Variants in CBFA2T3 observed in about 807,000 individuals in gnomAD.
The protein encoded by CBFA2T3 is transcriptional corepressor CBFA2T3.
A neutral mutation model predicts 58.6 loss-of-function variants in CBFA2T3; 31 were observed. That is an observed-to-expected ratio of 0.53 (90% CI 0.40 to 0.71). The LOEUF (loss-of-function observed/expected upper bound fraction) is 0.71, where lower values mean the gene tolerates loss of function less well. Among genes scored for constraint, CBFA2T3 ranks in the 30% least tolerant of loss-of-function variants. CBFA2T3 has a pLI of 0.00. For synonymous variants in CBFA2T3, 531 were observed against 421.9 expected (o/e 1.26, Z -3.17); for missense variants, 1,076 against 963.1 (o/e 1.12, Z -1.55).
intron 1 of CBFA2T3, among the ~76,000 whole-genome samples, chr16:88,919,788 G>A (rs142803482): frequency 5.3e-5 from 8 of 152,274 alleles, no homozygotes; most frequent in South Asian, 2.1e-4. Flanking sequence ...GTCGCTCCAC[G>A]TAATCCGTGG....
At chr16:88,896,999 C>T (rs116581588) in intron 3 of CBFA2T3, among the ~76,000 whole-genome samples, 2,490 of 152,364 alleles carry the variant, frequency 0.016, 19 homozygotes, top group East Asian at 0.024. Context: ...AGACCGCACA[C>T]GTGTCCCCAG....
intron 1 of CBFA2T3, chr16:88,936,677 T>G (rs1971512612): frequency 6.6e-6 from 1 of 152,380 alleles, no homozygotes; most frequent in African/African-American, 2.4e-5. Flanking sequence ...GTGCCTTGGC[T>G]CCGGGAGACA....
At chr16:88,947,271 C>T (rs1272499699) in intron 1 of CBFA2T3, among the ~76,000 whole-genome samples, 2 of 152,232 alleles carry the variant, frequency 1.3e-5, no homozygotes, top group Non-Finnish European at 2.9e-5. Flanking sequence ...AATCTATTAA[C>T]TTAAAAAATT....
At chr16:88,903,694 G>C (rs867481909) in intron 1 of CBFA2T3, among the ~76,000 whole-genome samples, 2 of 134,860 alleles carry the variant, frequency 1.5e-5, no homozygotes, top group African/African-American at 5.5e-5. Context: ...GCATTCCTGG[G>C]GGGGGCGTTC....
chr16:88,902,712 G>C (rs1223473615), intron 1 of CBFA2T3, among the ~76,000 whole-genome samples: 1 of 152,240 alleles, frequency 6.6e-6, no homozygotes, highest in African/African-American at 2.4e-5. Context: ...GGCAAGGTCA[G>C]CCAGTGCCAA....
At chr16:88,969,294 C>G (rs927435608) in intron 1 of CBFA2T3, among the ~76,000 whole-genome samples, 2 of 152,208 alleles carry the variant, frequency 1.3e-5, no homozygotes, top group East Asian at 1.9e-4. Context: ...CTTGGGAGCT[C>G]AGGAGGAAGC....
At chr16:88,932,510 A>G (rs375243728) in intron 1 of CBFA2T3, among the ~76,000 whole-genome samples, 45 of 152,100 alleles carry the variant, frequency 3.0e-4, no homozygotes, top group African/African-American at 1.1e-3. Context: ...AGCTGGGCAT[A>G]GTGGTGAACA....
rs939435010 is a variant in CBFA2T3 at position 88,901,371 on chromosome 16, C to T, written c.304+133G>A. 4.4e-5 allele frequency: 23 copies of T among 523,292 alleles called. No individual in the cohort carries two copies. In the East Asian group the frequency reaches 7.3e-4, roughly 17 times the overall value. The allele number at this position is 523,292 out of a possible 1,614,324, so 32.4% of individuals were successfully genotyped here. A position where few individuals can be genotyped will look rare whatever the true frequency, so the allele number is the denominator to read the frequency against. ...GAACCGGCCAAGCCTGGGCTCTGGG[C>T]CACACGAGCTCCTCACACTCAGGGC... is the stretch of plus-strand genomic sequence containing the variant. On this transcript the variant is annotated intron_variant, in intron 2 of 11. Coordinates refer to ENST00000268679, the MANE Select transcript of CBFA2T3 (RefSeq NM_005187.6).
chr16:88,881,453 G>T lies in CBFA2T3; in HGVS notation c.1240C>A (p.Arg414=), dbSNP rs781390631. 6.2e-7 allele frequency: 1 copy of T among 1,609,702 alleles called. No homozygotes were observed. Among genetic ancestry groups the T allele is most frequent in the Non-Finnish European group, 8.5e-7 (1 of 1,178,336 alleles). The change falls in exon 9 of 12, where the codon CGG becomes AGG. Residue 414 remains arginine, a synonymous_variant. Coordinates refer to ENST00000268679, the MANE Select transcript of CBFA2T3 (RefSeq NM_005187.6). ...CTGCGCAGCACCGTGAGCGAGCGCC[G>T]CGTCTTCTCCACCATGTCCATGATG... The part of the protein sequence containing the change: ...NCIMDMVEKT[R]RSLTVLRRCQ...
chr16:88,906,812 C>G (rs75469892), intron 1 of CBFA2T3, among the ~76,000 whole-genome samples: 6,466 of 152,300 alleles, frequency 0.042, 190 homozygotes, highest in African/African-American at 0.081. Context: ...CATGTGCCTG[C>G]AGCCCCCAGG....
Position 88,881,420 on chromosome 16 carries a change from C to G in CBFA2T3, c.1273G>C (p.Glu425Gln), listed in dbSNP as rs1474677700. The change falls in exon 9 of 12, where the codon GAG becomes CAG. Residue 425 changes from glutamate (E) to glutamine (Q), a missense_variant. Transcript: ENST00000268679. ...RSLTVLRRCQ[E>Q]ADREELNHWA... ...TGGTTGAGCTCCTCGCGGTCGGCCT[C>G]CTGGCACCTGCGCAGCACCGTGAGC... 6.2e-7 allele frequency: 1 copy of G among 1,609,254 alleles called. No individual in the cohort carries two copies. Among genetic ancestry groups the G allele is most frequent in the African/African-American group, 1.3e-5 (1 of 74,994 alleles).
At chr16:88,901,454 G>A (rs1970093386) in intron 2 of CBFA2T3, 50 bp downstream of exon 2, 1 of 1,011,254 alleles carries the variant, frequency 9.9e-7, no homozygotes, top group Non-Finnish European at 1.4e-6. Context: ...ACAACACAAG[G>A]GCCTCCCCTG....
chr16:88,899,780 G>A (rs377669506), intron 2 of CBFA2T3, among the ~76,000 whole-genome samples: 14 of 152,364 alleles, frequency 9.2e-5, no homozygotes, highest in African/African-American at 3.4e-4. Flanking sequence ...TGTGGAGCGG[G>A]TGTTTTAGGC....
intron 1 of CBFA2T3, among the ~76,000 whole-genome samples, chr16:88,942,944 T>C (rs1255684330): frequency 6.6e-6 from 1 of 152,090 alleles, no homozygotes; most frequent in East Asian, 1.9e-4. Context: ...ACAGTGCGAG[T>C]CCCCATGCGG....
intron 5 of CBFA2T3, among the ~76,000 whole-genome samples, chr16:88,887,965 C>A (rs1203300604): frequency 6.6e-6 from 1 of 152,206 alleles, no homozygotes. Flanking sequence ...TAAAGCCTCC[C>A]TGACCGTGGG....
rs1186498846 is a variant in CBFA2T3, at chr16:88,953,076, A to C, written c.151+23581T>G. ...GTGACCGTCCTCACCCACGAGAAAA[A>C]ACACAACCTGGTCTCCGTCTGCCGG... On this transcript the variant is annotated intron_variant, in intron 1 of 11. Transcript: ENST00000268679. This position sits in a 1 kb window ranked among gnomAD's most constrained non-coding sequence, Gnocchi z 4.9. 6.6e-6 allele frequency among the ~76,000 whole-genome samples: 1 copy of C among 152,086 alleles called. No homozygotes were observed. Among genetic ancestry groups the C allele is most frequent in the Non-Finnish European group, 1.5e-5 (1 of 68,012 alleles).
intron 3 of CBFA2T3, among the ~76,000 whole-genome samples, chr16:88,892,829 G>A (rs144650062): frequency 2.0e-3 from 311 of 152,334 alleles, no homozygotes; most frequent in African/African-American, 7.2e-3. Context: ...CAATGGTGGT[G>A]GCCGTGGAAT....
Position 88,885,124 on chromosome 16 carries a change from T to C in CBFA2T3, c.1039A>G (p.Ile347Val), listed in dbSNP as rs1474627108. The C allele has an allele frequency of 2.5e-6, 4 of 1,602,254 alleles. No homozygotes were observed. In the African/African-American group the frequency reaches 4.0e-5, roughly 16 times the overall value. ...TCTCGGAAGTGGTGGGCCATGGCTA[T>C]GTCCTCCAGGCGGTAGTGCGGCGGC... is the stretch of plus-strand genomic sequence containing the variant. The part of the protein sequence containing the change: ...TPPPHYRLED[I>V]AMAHHFRDAY... Residue 347 changes from isoleucine (I) to valine (V), a missense_variant, in exon 7 of 12, where the codon ATA (isoleucine) becomes GTA (valine). By Grantham distance (29) the Ile-to-Val change is conservative. Coordinates refer to ENST00000268679, the MANE Select transcript of CBFA2T3 (RefSeq NM_005187.6). The surrounding 1 kb of genome is among the most constrained non-coding windows in gnomAD (Gnocchi z 5.3).
chr16:88,948,355 G>A (rs967990228), intron 1 of CBFA2T3, among the ~76,000 whole-genome samples: 1 of 152,256 alleles, frequency 6.6e-6, no homozygotes, highest in African/African-American at 2.4e-5. Context: ...CAGGCAGAGA[G>A]ACGTTGGTCT....
Sources: allele counts gnomAD v4.1 joint callset (sites outside exome capture counted in the v4.1 genomes callset), GRCh38; gene constraint gnomAD v4.1.1; non-coding constraint Gnocchi (gnomAD v3.1); transcripts MANE v1.5; gene names NCBI Gene and HGNC (gene_info 2026-07-23, HGNC 2026-07-21).